The following SCGB2B2 variants were observed in gnomAD, a reference collection of about 807,000 sequenced individuals.
SCGB2B2 encodes secretoglobin-like protein.
SCGB2B2 carries 11 observed loss-of-function variants against 7.6 expected under a neutral mutation model. The observed-to-expected ratio is 1.45, with a 90% CI of 0.91 to 2.40. The LOEUF (loss-of-function observed/expected upper bound fraction) is 2.40. SCGB2B2 is among the 30% of genes most tolerant of loss of function. The pLI, the probability that SCGB2B2 is intolerant of heterozygous loss-of-function variation, is 0.00. For synonymous variants in SCGB2B2, 50 were observed against 48.6 expected (o/e 1.03, Z -0.12); for missense variants, 104 against 115.4 (o/e 0.90, Z 0.45).
intron 1 of SCGB2B2, among the ~76,000 whole-genome samples, chr19:34,652,605 A>G (rs2067189512): frequency 6.6e-6 from 1 of 151,260 alleles, no homozygotes; most frequent in Non-Finnish European, 1.5e-5. Context: ...TATTTTTAAA[A>G]TGCTCAACAT....
intron 1 of SCGB2B2, among the ~76,000 whole-genome samples, chr19:34,653,904 A>C (rs1488602324): frequency 6.6e-6 from 1 of 151,032 alleles, no homozygotes. Flanking sequence ...TAAGATCAGG[A>C]ACAAGATGAG....
At chr19:34,611,883 G>C (rs1008729970) in intron 1 of SCGB2B2, among the ~76,000 whole-genome samples, 1 of 151,798 alleles carries the variant, frequency 6.6e-6, no homozygotes, top group Admixed American at 6.6e-5. Flanking sequence ...TTGAACTCCT[G>C]ACCTCGTGAT....
chr19:34,586,705 G>T (rs1290831193), downstream of SCGB2B2, among the ~76,000 whole-genome samples: 4 of 152,050 alleles, frequency 2.6e-5, no homozygotes, highest in East Asian at 1.9e-4. Flanking sequence ...GTTTTGTATT[G>T]ATGTCTGGAA....
In SCGB2B2 at chr19:34,637,085, C is replaced by A. The variant is rs138086889; in HGVS notation, c.-2032+38545G>T. ...GCCCAGTGGTCCCTGAAAATAGTAACCACATTGGTCCTGCAATTCCCAGCA... is the reference window on the plus strand; with the variant it reads ...GCCCAGTGGTCCCTGAAAATAGTAAACACATTGGTCCTGCAATTCCCAGCA... On this transcript the variant is annotated intron_variant, in intron 1 of 3. Transcript: ENST00000601241. Among the ~76,000 whole-genome samples, 1,458 of 152,274 alleles carry A rather than the reference C, an allele frequency of 9.6e-3. 22 individuals are homozygous for A. The highest frequency in any genetic ancestry group is 0.034 in the African/African-American group (1,394 of 41,560).
intron 1 of SCGB2B2, among the ~76,000 whole-genome samples, chr19:34,643,882 C>A (rs2066914988): frequency 6.6e-6 from 1 of 150,752 alleles, no homozygotes. Flanking sequence ...TCTAAATATC[C>A]ACAAGAAGTC....
rs1312763620 is a variant in SCGB2B2, at chr19:34,594,168, C to T, written c.246+7G>A. ...TAGTGTGTGCAGGTCCCCCCGGGCA[C>T]ACTCACAATAACAACTGAATGAGCA... On this transcript the variant is annotated splice_region_variant and intron_variant, in intron 3 of 3. Transcript: ENST00000601241. 2.5e-6 allele frequency: 4 copies of T among 1,612,832 alleles called. No individual in the cohort carries two copies. In the African/African-American group the frequency reaches 4.0e-5, roughly 16 times the overall value.
intron 1 of SCGB2B2, among the ~76,000 whole-genome samples, chr19:34,656,373 G>A (rs2146104377): frequency 6.6e-6 from 1 of 151,474 alleles, no homozygotes; most frequent in East Asian, 1.9e-4. Context: ...GGAGGCCGAG[G>A]TGGGCAGATC....
At chr19:34,603,635 A>T (rs2065692004) in intron 1 of SCGB2B2, among the ~76,000 whole-genome samples, 1 of 152,134 alleles carries the variant, frequency 6.6e-6, no homozygotes, top group Non-Finnish European at 1.5e-5. Context: ...ATAGGGAGAG[A>T]GCCTAGGCCT....
At chr19:34,657,427 CA>C (rs934129786) in intron 1 of SCGB2B2, among the ~76,000 whole-genome samples, 1 of 149,904 alleles carries the variant, frequency 6.7e-6, no homozygotes, top group African/African-American at 2.5e-5. Flanking sequence ...AAATGGAAAG[CA>C]AAAAAAAGCA....
chr19:34,652,165 T>C (rs921640510), intron 1 of SCGB2B2, among the ~76,000 whole-genome samples: 16 of 151,324 alleles, frequency 1.1e-4, no homozygotes, highest in Admixed American at 7.9e-4. Context: ...GCTGAAACTA[T>C]GAAACTGCTT....
At chr19:34,596,877 C>T (rs67049155) in intron 1 of SCGB2B2, among the ~76,000 whole-genome samples, 66,639 of 151,506 alleles carry the variant, frequency 0.44, 15,146 homozygotes, top group East Asian at 0.61. Flanking sequence ...TCTTCCTTCC[C>T]TCTCTGGACC....
At position 34,676,407 on chromosome 19, in the gene SCGB2B2, AG is replaced by A. The variant is rs1300442063; in HGVS notation, c.-2810del. On this transcript the variant is annotated 5_prime_UTR_variant, in exon 1 of 4. Coordinates refer to ENST00000601241, the MANE Select transcript of SCGB2B2 (RefSeq NM_001025591.4). The stretch of plus-strand genomic sequence containing the variant: ...AGAAGTTACCCTGTATGGTTCAAAA[AG>A]CTGGGAAGCCCTCAGCTCCGAGAAA... 2 of 152,248 alleles carry A rather than the reference AG, an allele frequency of 1.3e-5. No individual in the cohort carries two copies. The highest frequency in any genetic ancestry group is 1.3e-4 in the Admixed American group (2 of 15,288). The allele number at this position is 152,248 out of a possible 1,614,324, so 9.4% of individuals were successfully genotyped here.
chr19:34,666,686 G>A (rs185688213), intron 1 of SCGB2B2, among the ~76,000 whole-genome samples: 10 of 152,248 alleles, frequency 6.6e-5, no homozygotes, highest in Admixed American at 1.3e-4. Flanking sequence ...AGAGGATTCC[G>A]CACCACCCCA....
At chr19:34,604,122 T>C (rs891967030) in intron 1 of SCGB2B2, among the ~76,000 whole-genome samples, 1 of 152,224 alleles carries the variant, frequency 6.6e-6, no homozygotes, top group Non-Finnish European at 1.5e-5. Context: ...GACAGTCTTT[T>C]ACATGATCCT....
chr19:34,647,849 T>C (rs542902565), intron 1 of SCGB2B2, among the ~76,000 whole-genome samples: 3 of 152,276 alleles, frequency 2.0e-5, no homozygotes, highest in South Asian at 2.1e-4. Context: ...GGGTGCCACA[T>C]TGGGTCAGGT....
intron 1 of SCGB2B2, among the ~76,000 whole-genome samples, chr19:34,597,833 G>T (rs780515158): frequency 2.0e-5 from 3 of 152,212 alleles, no homozygotes; most frequent in Non-Finnish European, 2.9e-5. Context: ...GGCCTGCAGG[G>T]CACATGATGG....
chr19:34,671,216 T>C (rs551055020), intron 1 of SCGB2B2, among the ~76,000 whole-genome samples: 1 of 152,316 alleles, frequency 6.6e-6, no homozygotes, highest in African/African-American at 2.4e-5. Flanking sequence ...GCTGGCCTGG[T>C]TTTTGTTTTA....
downstream of SCGB2B2, among the ~76,000 whole-genome samples, chr19:34,588,552 C>T (rs953418507): frequency 2.0e-5 from 3 of 152,172 alleles, no homozygotes; most frequent in African/African-American, 7.2e-5. Flanking sequence ...GGAATTAAAA[C>T]AGAAAGGTAA....
intron 1 of SCGB2B2, among the ~76,000 whole-genome samples, chr19:34,597,890 G>A (rs1345993215): frequency 6.6e-6 from 1 of 152,144 alleles, no homozygotes; most frequent in Non-Finnish European, 1.5e-5. Flanking sequence ...GGCAGGAGGT[G>A]CCCTGGGGCT....
Sources: allele counts gnomAD v4.1 joint callset (sites outside exome capture counted in the v4.1 genomes callset), GRCh38; gene constraint gnomAD v4.1.1; transcripts MANE v1.5; gene names NCBI Gene and HGNC (gene_info 2026-07-23, HGNC 2026-07-21).